ARMC9: variants seen among roughly 807,000 people sequenced by gnomAD.
The protein encoded by ARMC9 is lisH domain-containing protein ARMC9.
A neutral mutation model predicts 107.0 loss-of-function variants in ARMC9; 94 were observed. The observed-to-expected ratio is 0.88, with a 90% CI of 0.74 to 1.04. The LOEUF (loss-of-function observed/expected upper bound fraction) is 1.04, where lower values mean the gene tolerates loss of function less well. ARMC9 is among the 50% of genes least tolerant of loss of function. The probability of loss-of-function intolerance (pLI) is 0.00; values close to 1 mark genes in which losing one functional copy is unlikely to be tolerated. For synonymous variants in ARMC9, 380 were observed against 396.9 expected, an observed-to-expected ratio of 0.96 and a Z score of 0.51; for missense variants, 942 against 1,030.1, an observed-to-expected ratio of 0.91 and a Z score of 1.17.
At chr2:231,356,102 C>A (rs1405681733) in intron 22 of ARMC9, among the ~76,000 whole-genome samples, 168 bp downstream of exon 22, 1 of 152,258 alleles carries the variant, frequency 6.6e-6, no homozygotes, top group Non-Finnish European at 1.5e-5. Flanking sequence ...CACAGCCAGA[C>A]CCATGCTGGG....
intron 23 of ARMC9, among the ~76,000 whole-genome samples, chr2:231,368,706 C>T (rs1319970488): frequency 6.6e-6 from 1 of 152,212 alleles, no homozygotes; most frequent in African/African-American, 2.4e-5. Context: ...CTCACTGCAG[C>T]CTTGACCTCC....
intron 19 of ARMC9, among the ~76,000 whole-genome samples, chr2:231,305,597 T>C (rs1475109751): frequency 6.6e-6 from 1 of 152,244 alleles, no homozygotes; most frequent in Non-Finnish European, 1.5e-5. Flanking sequence ...TGATTTCTTT[T>C]GTAACTTTCC....
chr2:231,303,533 G>C (rs1308619583), intron 19 of ARMC9, among the ~76,000 whole-genome samples: 1 of 152,186 alleles, frequency 6.6e-6, no homozygotes, highest in Non-Finnish European at 1.5e-5. Flanking sequence ...GTTTCCCTCT[G>C]TTCCTAGTTT....
intron 11 of ARMC9, among the ~76,000 whole-genome samples, chr2:231,259,393 G>A (rs2038129688): frequency 1.3e-5 from 2 of 152,196 alleles, no homozygotes; most frequent in African/African-American, 4.8e-5. Flanking sequence ...CACTCTGCTT[G>A]TGTGAGTGCG....
intron 15 of ARMC9, 62 bp downstream of exon 15, chr2:231,276,837 G>C (rs2039805727): frequency 2.5e-6 from 4 of 1,584,584 alleles, no homozygotes; most frequent in Middle Eastern, 1.9e-4. Flanking sequence ...CTTGAAGCTG[G>C]GTTTCTAGTG....
At chr2:231,279,539 C>G (rs1433674566) in intron 16 of ARMC9, among the ~76,000 whole-genome samples, 1 of 126,880 alleles carries the variant, frequency 7.9e-6, no homozygotes, top group Non-Finnish European at 1.6e-5. Context: ...GAGACAGAGT[C>G]TCACTCTATC....
intron 23 of ARMC9, among the ~76,000 whole-genome samples, chr2:231,361,321 T>C (rs2045568795): frequency 6.6e-6 from 1 of 151,008 alleles, no homozygotes; most frequent in African/African-American, 2.4e-5. Flanking sequence ...GCCTCCAGGC[T>C]GGGGCGTGGT....
chr2:231,366,175 G>A (rs1321566362), intron 23 of ARMC9, among the ~76,000 whole-genome samples: 1 of 152,184 alleles, frequency 6.6e-6, no homozygotes, highest in African/African-American at 2.4e-5. Context: ...CAAGTCCAAA[G>A]GCCATCAGTT....
rs551416754 is a variant in ARMC9, at chr2:231,342,670, G to A, written c.1879-2305G>A. On this transcript the variant is annotated intron_variant, in intron 20 of 24. Coordinates refer to ENST00000611582, the MANE Select transcript of ARMC9 (RefSeq NM_001352754.2). The stretch of plus-strand genomic sequence containing the variant: ...TAGATCCTCCTGGATCGGGGAAGTG[G>A]GGTGGAAGGGAAGTTACAGTGGAAG... Among the ~76,000 whole-genome samples, 236 of 152,288 alleles carry A rather than the reference G, an allele frequency of 1.5e-3. 1 individual carries two copies. The highest frequency in any genetic ancestry group is 4.4e-3 in the African/African-American group (181 of 41,560).
At chr2:231,354,940 T>C (rs2045276211) in intron 21 of ARMC9, among the ~76,000 whole-genome samples, 1 of 152,234 alleles carries the variant, frequency 6.6e-6, no homozygotes, top group Admixed American at 6.5e-5. Flanking sequence ...AATGAAGCTC[T>C]CAGCACTTGT....
At chr2:231,223,734 C>G (rs2034372240) in intron 6 of ARMC9, among the ~76,000 whole-genome samples, 1 of 152,170 alleles carries the variant, frequency 6.6e-6, no homozygotes, top group African/African-American at 2.4e-5. Flanking sequence ...CCTAAGCCTT[C>G]CCTGTTGCCT....
chr2:231,314,104 A>G (rs1258273717), intron 19 of ARMC9, among the ~76,000 whole-genome samples: 2 of 130,920 alleles, frequency 1.5e-5, no homozygotes, highest in Non-Finnish European at 3.2e-5. Flanking sequence ...TTTGAGACGG[A>G]GTTTCACTCT....
chr2:231,221,793 T>C (rs2125332356), intron 5 of ARMC9, among the ~76,000 whole-genome samples: 1 of 136,690 alleles, frequency 7.3e-6, no homozygotes, highest in South Asian at 2.3e-4. Context: ...ATCGAGCCAC[T>C]GCACTCCAGC....
chr2:231,269,374 C>G (rs546333024), intron 12 of ARMC9, among the ~76,000 whole-genome samples: 1 of 139,262 alleles, frequency 7.2e-6, no homozygotes, highest in Admixed American at 7.1e-5. Context: ...TTGTTCCACT[C>G]TTTAGGAGAT....
At chr2:231,270,777 G>A (rs1038561765) in intron 12 of ARMC9, 35 of 686,264 alleles carry the variant, frequency 5.1e-5, no homozygotes, top group Non-Finnish European at 9.2e-5. Context: ...ATTTAATTTG[G>A]AAGTCTGACT....
At position 231,362,473 on chromosome 2, in the gene ARMC9, C is replaced by T. The variant is rs893845146; in HGVS notation, c.2261+1590C>T. 6.6e-6 allele frequency among the ~76,000 whole-genome samples: 1 copy of T among 152,024 alleles called. No homozygotes were observed. The highest frequency in any genetic ancestry group is 2.4e-5 in the African/African-American group (1 of 41,402). ...ACTGTTTTCACAGTAGGTAGGCAGC[C>T]GACCCTGAGGGACCTCATTACATCA... On this transcript the variant is annotated intron_variant, in intron 23 of 24. Transcript: ENST00000611582. The surrounding 1 kb of genome is among the most constrained non-coding windows in gnomAD (Gnocchi z 4.7).
chr2:231,265,972 T>G (rs886328457), intron 12 of ARMC9, among the ~76,000 whole-genome samples: 17 of 148,038 alleles, frequency 1.1e-4, no homozygotes, highest in Non-Finnish European at 1.8e-4. Context: ...GACTCTAGCC[T>G]GGGCAGCAGA....
chr2:231,233,536 G>A (rs934746242), intron 7 of ARMC9, among the ~76,000 whole-genome samples: 2 of 152,112 alleles, frequency 1.3e-5, no homozygotes, highest in East Asian at 3.9e-4. Context: ...CAGCACTTTG[G>A]GGGGCCGAGG....
chr2:231,267,292 G>A (rs746709343), intron 12 of ARMC9, among the ~76,000 whole-genome samples: 8 of 152,038 alleles, frequency 5.3e-5, no homozygotes, highest in African/African-American at 7.3e-5. Context: ...GTGCAGTGGC[G>A]TGATCTCGGC....
Sources: allele counts gnomAD v4.1 joint callset (sites outside exome capture counted in the v4.1 genomes callset), GRCh38; gene constraint gnomAD v4.1.1; non-coding constraint Gnocchi (gnomAD v3.1); transcripts MANE v1.5; gene names NCBI Gene and HGNC (gene_info 2026-07-23, HGNC 2026-07-21).